PAXBP1: variants seen among roughly 807,000 people sequenced by gnomAD.
The protein encoded by PAXBP1 is PAX3 and PAX7 binding protein 1, also known as PAX3- and PAX7-binding protein 1.
In PAXBP1, 44 loss-of-function variants were observed where a neutral mutation model predicts 119.9. The observed-to-expected ratio is 0.37, with a 90% CI of 0.29 to 0.47. PAXBP1 has a LOEUF of 0.47. Among genes scored for constraint, PAXBP1 ranks in the 20% least tolerant of loss-of-function variants. PAXBP1 has a pLI of 0.99. For missense variants in PAXBP1, 898 were observed against 1,134.1 expected (o/e 0.79, Z 2.99); for synonymous variants, 393 against 406.6 (o/e 0.97, Z 0.40).
intron 7 of PAXBP1, among the ~76,000 whole-genome samples, chr21:32,756,946 T>G (rs2044053123): frequency 6.6e-6 from 1 of 152,162 alleles, no homozygotes; most frequent in South Asian, 2.1e-4. Flanking sequence ...TTAACAATAT[T>G]GATTTATCTC....
chr21:32,740,732 GA>G (rs1205129545), intron 15 of PAXBP1, among the ~76,000 whole-genome samples: 1 of 150,976 alleles, frequency 6.6e-6, no homozygotes, highest in East Asian at 1.9e-4. Context: ...TCCATAACAG[GA>G]AAAAAAGATC....
chr21:32,745,456 A>G, intron 12 of PAXBP1, 118 bp downstream of exon 12: 1 of 1,401,986 alleles, frequency 7.1e-7, no homozygotes. Flanking sequence ...GCCAGGTGGT[A>G]ACTATTATTT....
chr21:32,756,493 A>T, intron 7 of PAXBP1: 1 of 456,124 alleles, frequency 2.2e-6, no homozygotes. Flanking sequence ...AAACTAATGG[A>T]GTTATTTTGT....
chr21:32,771,748 C>G lies in PAXBP1; in HGVS notation c.-80G>C, dbSNP rs2044364206. On this transcript the variant is annotated 5_prime_UTR_variant, in exon 1 of 18. Coordinates refer to ENST00000331923, the MANE Select transcript of PAXBP1 (RefSeq NM_016631.4). ...CGCCGAGCTCGTGACGGCGCACGCG[C>G]GCTCTCCGGAGCTCCAGCCGGGTCG... is the stretch of plus-strand genomic sequence containing the variant. 1 of 1,226,556 alleles carries G rather than the reference C, an allele frequency of 8.2e-7. No individual in the cohort carries two copies. The highest frequency in any genetic ancestry group is 2.2e-5 in the South Asian group (1 of 44,838). The allele number at this position is 1,226,556 out of a possible 1,614,324, so 76.0% of individuals were successfully genotyped here.
In PAXBP1 at chr21:32,771,579, CG is replaced by C; in HGVS notation, c.89del (p.Pro30ArgfsTer38). On this transcript the variant is annotated frameshift_variant, in exon 1 of 18. Coordinates refer to ENST00000331923, the MANE Select transcript of PAXBP1 (RefSeq NM_016631.4). LOFTEE classifies it high-confidence loss of function. ...CCGTGCCCGGCGGCGGCAACAACGG[CG>C]GCGGCTCCTGCTCCTCATCGCGTTC... is the stretch of plus-strand genomic sequence containing the variant. Reference protein sequence around the residue: ...ERERDEEQEPPPLLPPPGTGE... With the variant: ...ERERDEEQEPXPLLPPPGTGE... 1 of 1,439,850 alleles carries C rather than the reference CG, an allele frequency of 6.9e-7. No homozygotes were observed. The highest frequency in any genetic ancestry group is 9.1e-7 in the Non-Finnish European group (1 of 1,100,550). The allele number at this position is 1,439,850 out of a possible 1,614,324, so 89.2% of individuals were successfully genotyped here. A position where few individuals can be genotyped will look rare whatever the true frequency, so the allele number is the denominator to read the frequency against.
At chr21:32,755,455 T>A in intron 7 of PAXBP1, 102 bp from the exon 8 acceptor site, 1 of 1,458,090 alleles carries the variant, frequency 6.9e-7, no homozygotes, top group Non-Finnish European at 9.2e-7. Context: ...ACCCTCTCTA[T>A]GGACAGAATA....
rs2044162843 is a variant in PAXBP1 at position 32,762,264 on chromosome 21, C to T, written c.703G>A (p.Ala235Thr). Reference sequence around the variant, plus strand: ...GGAGTGAAATCTCCCAATTCTCGGGCCATTTGGCGCTTTTTCCTTGCAGCA... The same window carrying T: ...GGAGTGAAATCTCCCAATTCTCGGGTCATTTGGCGCTTTTTCCTTGCAGCA... ...IHAARKKRQM[A>T]RELGDFTPHD... The change falls in exon 4 of 18, where the codon GCC becomes ACC. Residue 235 changes from alanine (A) to threonine (T), a missense_variant. This residue lies in a region of PAXBP1 where 599 missense variants were observed against 852.7 expected (regional missense o/e 0.70). Coordinates refer to ENST00000331923, the MANE Select transcript of PAXBP1 (RefSeq NM_016631.4). The T allele has an allele frequency of 3.7e-6, 6 of 1,614,034 alleles. No homozygotes were observed. The highest frequency in any genetic ancestry group is 5.1e-6 in the Non-Finnish European group (6 of 1,180,040).
intron 5 of PAXBP1, 115 bp downstream of exon 5, chr21:32,760,944 G>A: frequency 1.5e-6 from 1 of 686,130 alleles, no homozygotes; most frequent in Non-Finnish European, 2.5e-6. Flanking sequence ...TCTCCTCATG[G>A]GATTTTGTTA....
At chr21:32,744,749 G>C in intron 13 of PAXBP1, 43 bp downstream of exon 13, 1 of 1,492,544 alleles carries the variant, frequency 6.7e-7, no homozygotes, top group Non-Finnish European at 8.9e-7. Context: ...ATATTCAACA[G>C]AAAGAGGAAA....
At position 32,755,192 on chromosome 21, in the gene PAXBP1, TG is replaced by T. The variant is rs766845900; in HGVS notation, c.1507+37del. 2.5e-6 allele frequency: 4 copies of T among 1,579,850 alleles called. No homozygotes were observed. In the South Asian group the frequency reaches 4.6e-5, roughly 18 times the overall value. ...TTAGGCTGCACTAAGTAAACAAGGT[TG>T]TTTAATGAATAATAAAAACCTTCAA... On this transcript the variant is annotated intron_variant, in intron 8 of 17. Transcript: ENST00000331923.
chr21:32,768,222 G>T (rs751989860), intron 2 of PAXBP1, among the ~76,000 whole-genome samples: 3 of 152,182 alleles, frequency 2.0e-5, no homozygotes, highest in Non-Finnish European at 4.4e-5. Context: ...AGACTCACCT[G>T]CCCTTCTACC....
chr21:32,744,265 AAAAAAAAAAAAG>A (rs1486929875), intron 13 of PAXBP1, among the ~76,000 whole-genome samples: 2 of 151,450 alleles, frequency 1.3e-5, no homozygotes, highest in Non-Finnish European at 2.9e-5. Flanking sequence ...TGAGCTAAAA[AAAAAAAAAAAAG>A]AAAAAAAAAA....
intron 10 of PAXBP1, 107 bp from the exon 11 acceptor site, chr21:32,748,805 G>A (rs2043914757): frequency 7.4e-6 from 7 of 940,476 alleles, no homozygotes; most frequent in East Asian, 2.6e-5. Context: ...CAGAAGATAC[G>A]CTCATTAACA....
At chr21:32,743,534 G>C in intron 14 of PAXBP1, 144 bp downstream of exon 14, 2 of 739,316 alleles carry the variant, frequency 2.7e-6, no homozygotes, top group Non-Finnish European at 4.5e-6. Context: ...CTGCTTAAGG[G>C]AACAATCTCG....
At chr21:32,754,269 T>C (rs1052615649) in intron 8 of PAXBP1, among the ~76,000 whole-genome samples, 4 of 152,216 alleles carry the variant, frequency 2.6e-5, no homozygotes, top group African/African-American at 9.6e-5. Context: ...CCTGGAGAGA[T>C]TGTTTAACAT....
intron 11 of PAXBP1, 36 bp from the exon 12 acceptor site, chr21:32,745,754 A>C: frequency 1.9e-6 from 3 of 1,610,376 alleles, no homozygotes; most frequent in Non-Finnish European, 1.7e-6. Context: ...AAATACTAAA[A>C]TAGTGGCTAT....
chr21:32,747,965 T>A (rs964909536), intron 11 of PAXBP1, among the ~76,000 whole-genome samples: 5 of 151,008 alleles, frequency 3.3e-5, no homozygotes, highest in African/African-American at 1.2e-4. Flanking sequence ...TTTTTTTTTT[T>A]AAGTAGAGAC....
At chr21:32,760,568 T>TA (rs1362244736) in intron 5 of PAXBP1, among the ~76,000 whole-genome samples, 1 of 152,190 alleles carries the variant, frequency 6.6e-6, no homozygotes, top group Non-Finnish European at 1.5e-5. Flanking sequence ...AAATAATTCT[T>TA]AAAGTCCAAA....
At chr21:32,735,619 A>G (rs996209515) in intron 17 of PAXBP1, among the ~76,000 whole-genome samples, 1 of 152,196 alleles carries the variant, frequency 6.6e-6, no homozygotes, top group Non-Finnish European at 1.5e-5. Flanking sequence ...TTTAGCACAC[A>G]TTAGAATTAC....
Sources: allele counts gnomAD v4.1 joint callset (sites outside exome capture counted in the v4.1 genomes callset), GRCh38; gene constraint gnomAD v4.1.1; regional missense constraint gnomAD v4.1.1; transcripts MANE v1.5; gene names NCBI Gene and HGNC (gene_info 2026-07-23, HGNC 2026-07-21).